Variants in RIN2 observed in about 807,000 individuals in gnomAD.
RIN2 encodes the protein Ras and Rab interactor 2.
In RIN2, 36 loss-of-function variants were observed where a neutral mutation model predicts 78.0. The ratio of observed to expected loss-of-function variants is 0.46; its 90% CI spans 0.35 to 0.61. The LOEUF is 0.61. Among genes scored for constraint, RIN2 ranks in the 20% least tolerant of loss-of-function variants. The pLI is 0.00. For synonymous variants in RIN2, 466 were observed against 466.8 expected (o/e 1.00, Z 0.02); for missense variants, 1,087 against 1,159.7 (o/e 0.94, Z 0.91).
At chr20:19,824,003 T>G (rs1600541752) in intron 2 of RIN2, 1 of 1,060,292 alleles carries the variant, frequency 9.4e-7, no homozygotes, top group East Asian at 2.6e-5. Flanking sequence ...AAGTTGCACC[T>G]TGGCCTCCTC....
intron 2 of RIN2, among the ~76,000 whole-genome samples, chr20:19,853,242 A>G (rs1055074867): frequency 6.6e-6 from 1 of 152,046 alleles, no homozygotes; most frequent in South Asian, 2.1e-4. Context: ...ATAGTATTCC[A>G]TGGTGTGTAT....
At chr20:19,995,690 G>A (rs185520760) in intron 11 of RIN2, among the ~76,000 whole-genome samples, 246 of 152,288 alleles carry the variant, frequency 1.6e-3, no homozygotes, top group Non-Finnish European at 2.5e-3. Context: ...AAAGGAAGGG[G>A]GGGGTAAGAA....
chr20:19,810,124 C>T (rs576196494), intron 2 of RIN2, among the ~76,000 whole-genome samples: 4 of 151,956 alleles, frequency 2.6e-5, no homozygotes, highest in East Asian at 3.9e-4. Context: ...AGGGGCCAGG[C>T]GTGGTGGCTC....
In RIN2 at chr20:19,844,680, T is replaced by TTCC. The variant is rs1491526538; in HGVS notation, c.-36-44884_-36-44883insCTC. Among the ~76,000 whole-genome samples, 571 of 59,548 alleles carry TTCC rather than the reference T, an allele frequency of 9.6e-3. 10 individuals carry two copies. The highest frequency in any genetic ancestry group is 0.034 in the African/African-American group (511 of 14,824). The allele number at this position is 59,548 out of a possible 152,430, so 39.1% of individuals were successfully genotyped here. On this transcript the variant is annotated intron_variant, in intron 2 of 12. Transcript: ENST00000255006. ...TTCTTCTTCTTCTTCCTTCTTCTTC[T>TTCC]TCTTCCTCTTCCTCTTCCTCTTCTT...
intron 11 of RIN2, among the ~76,000 whole-genome samples, chr20:19,993,254 G>T (rs932571731): frequency 6.6e-6 from 1 of 151,214 alleles, no homozygotes; most frequent in African/African-American, 2.4e-5. Context: ...ACAAGCCCTG[G>T]GGGGGATTGT....
intron 9 of RIN2, among the ~76,000 whole-genome samples, chr20:19,981,614 A>G (rs1302039287): frequency 6.6e-6 from 1 of 152,196 alleles, no homozygotes; most frequent in Non-Finnish European, 1.5e-5. Flanking sequence ...TGGATTCCCT[A>G]CATCAAATAT....
chr20:19,851,046 G>C (rs370751477), intron 2 of RIN2, among the ~76,000 whole-genome samples: 1 of 60,400 alleles, frequency 1.7e-5, no homozygotes, highest in South Asian at 5.7e-4. Context: ...AGGAAGGAAG[G>C]AAGGAGAAAG....
At chr20:19,942,262 G>A (rs116488384) in intron 4 of RIN2, among the ~76,000 whole-genome samples, 1,575 of 152,204 alleles carry the variant, frequency 0.01, 15 homozygotes, top group African/African-American at 0.033. Flanking sequence ...AATAGAATAC[G>A]TCAGATGAAC....
rs1185420458 is a variant in RIN2, at chr20:19,996,973, C to T, written c.2364+131C>T. 8 of 912,326 alleles carry T rather than the reference C, an allele frequency of 8.8e-6. No individual in the cohort carries two copies. The Admixed American group carries it at 2.3e-4, about 26-fold the overall frequency. 56.5% of individuals were successfully genotyped at this position (912,326 alleles called of 1,614,324 possible). A position where few individuals can be genotyped will look rare whatever the true frequency, so the allele number is the denominator to read the frequency against. Reference sequence around the variant, plus strand: ...CAGGAAAGGGATATCTCAAACCACCCTCTGGCCTTGTTACACTGATCTGTT... The same window carrying T: ...CAGGAAAGGGATATCTCAAACCACCTTCTGGCCTTGTTACACTGATCTGTT... On this transcript the variant is annotated intron_variant, in intron 12 of 12. Coordinates refer to ENST00000255006, the MANE Select transcript of RIN2 (RefSeq NM_018993.4).
Position 19,960,912 on chromosome 20 carries a change from G to T in RIN2, c.463+101G>T, listed in dbSNP as rs2041725327. The T allele has an allele frequency of 2.6e-5, 18 of 700,210 alleles. No individual in the cohort carries two copies. The South Asian group carries it at 3.4e-4, about 13-fold the overall frequency. The allele number at this position is 700,210 out of a possible 1,614,324, so 43.4% of individuals were successfully genotyped here. A position where few individuals can be genotyped will look rare whatever the true frequency, so the allele number is the denominator to read the frequency against. ...TCTGGTTATGAGATGGGCAGATATG[G>T]GCCTGAGTCTTGGCACTGAATGACT... On this transcript the variant is annotated intron_variant, in intron 6 of 12. Coordinates refer to ENST00000255006, the MANE Select transcript of RIN2 (RefSeq NM_018993.4).
intron 3 of RIN2, among the ~76,000 whole-genome samples, chr20:19,890,679 C>CAAAAAAA (rs534202183): frequency 0.014 from 927 of 64,358 alleles, 107 homozygotes; most frequent in East Asian, 0.04. Flanking sequence ...GTTGACTCTA[C>CAAAAAAA]AAAAAAAAAA....
At chr20:19,991,646 A>G (rs1320394831) in intron 10 of RIN2, among the ~76,000 whole-genome samples, 1 of 152,224 alleles carries the variant, frequency 6.6e-6, no homozygotes, top group Non-Finnish European at 1.5e-5. Flanking sequence ...CCATTAATCA[A>G]TGTGTATATT....
At chr20:19,786,592 C>T (rs1259419852) in intron 1 of RIN2, among the ~76,000 whole-genome samples, 2 of 152,146 alleles carry the variant, frequency 1.3e-5, no homozygotes, top group African/African-American at 4.8e-5. Context: ...TCCAGACACT[C>T]AGAAACCATG....
intron 3 of RIN2, among the ~76,000 whole-genome samples, chr20:19,934,266 G>A (rs573991334): frequency 7.8e-6 from 1 of 128,422 alleles, no homozygotes; most frequent in Non-Finnish European, 1.9e-5. Context: ...AATAACGTTT[G>A]TATGGAAAAT....
chr20:19,874,577 T>C (rs11698206), intron 2 of RIN2, among the ~76,000 whole-genome samples: 24,706 of 152,108 alleles, frequency 0.16, 2,529 homozygotes, highest in East Asian at 0.27. Context: ...GGCTGCCTTC[T>C]CTTCCCTGAC....
intron 1 of RIN2, among the ~76,000 whole-genome samples, chr20:19,776,474 G>A (rs2034314033): frequency 6.6e-6 from 1 of 152,060 alleles, no homozygotes; most frequent in Admixed American, 6.5e-5. Flanking sequence ...GTTCACGCCT[G>A]TAATCCTAGC....
chr20:19,964,878 A>T, intron 6 of RIN2, 74 bp from the exon 7 acceptor site: 2 of 1,229,162 alleles, frequency 1.6e-6, no homozygotes, highest in South Asian at 2.4e-5. Flanking sequence ...TCCCACACAC[A>T]TGGTGTTAGG....
chr20:19,911,945 A>G (rs1258795904), intron 3 of RIN2, among the ~76,000 whole-genome samples: 8 of 148,322 alleles, frequency 5.4e-5, no homozygotes, highest in Non-Finnish European at 1.0e-4. Context: ...AGCCATGGCT[A>G]TGGGTCCACA....
At chr20:19,973,680 T>C (rs554917244) in intron 8 of RIN2, among the ~76,000 whole-genome samples, 1 of 152,140 alleles carries the variant, frequency 6.6e-6, no homozygotes, top group South Asian at 2.1e-4. Flanking sequence ...TCCCAGCTAC[T>C]CGGGAGGCTG....
Sources: gnomAD v4.1 joint callset for allele counts (sites outside exome capture counted in the v4.1 genomes callset) on GRCh38, gnomAD v4.1.1 for gene constraint, MANE v1.5 for transcripts, NCBI Gene and HGNC (gene_info 2026-07-23, HGNC 2026-07-21) for gene names.